Variants in AFF3 observed in about 807,000 individuals in gnomAD.
The protein encoded by AFF3 is AF4/FMR2 family member 3.
AFF3 carries 32 observed loss-of-function variants against 129.7 expected under a neutral mutation model. That is an observed-to-expected ratio of 0.25 (90% confidence interval 0.19 to 0.33). The LOEUF is 0.33. Among genes scored for constraint, AFF3 ranks in the 10% least tolerant of loss-of-function variants. The pLI, the probability that AFF3 is intolerant of heterozygous loss-of-function variation, is 1.00. For missense variants in AFF3, 1,373 were observed against 1,592.0 expected (o/e 0.86, Z 2.34); for synonymous variants, 644 against 635.4 (o/e 1.01, Z -0.20).
chr2:100,045,291 G>C (rs1464370203), intron 4 of AFF3, among the ~76,000 whole-genome samples: 1 of 152,162 alleles, frequency 6.6e-6, no homozygotes, highest in African/African-American at 2.4e-5. Flanking sequence ...GCCAGCAACA[G>C]TCGCATGTTC....
intron 7 of AFF3, among the ~76,000 whole-genome samples, chr2:99,874,970 CA>C (rs1692174697): frequency 6.6e-6 from 1 of 152,076 alleles, no homozygotes; most frequent in Non-Finnish European, 1.5e-5. Context: ...GGAATCTGAA[CA>C]AAGCGTACAT....
intron 7 of AFF3, among the ~76,000 whole-genome samples, chr2:99,885,997 C>T (rs189028376): frequency 3.5e-4 from 54 of 152,304 alleles, no homozygotes; most frequent in African/African-American, 1.3e-3. Context: ...ACAAGGAACA[C>T]GCAGACAGTG....
chr2:99,925,766 T>G (rs1028633205), intron 7 of AFF3, among the ~76,000 whole-genome samples: 1 of 152,124 alleles, frequency 6.6e-6, no homozygotes, highest in Non-Finnish European at 1.5e-5. Context: ...TACAAGAACA[T>G]GATTAAAGAC....
intron 4 of AFF3, among the ~76,000 whole-genome samples, chr2:100,015,869 G>A (rs1269416615): frequency 6.6e-6 from 1 of 152,172 alleles, no homozygotes; most frequent in African/African-American, 2.4e-5. Flanking sequence ...GATAGTGGTG[G>A]TGGTGGTGAT....
At chr2:99,911,031 A>C (rs1205198054) in intron 7 of AFF3, among the ~76,000 whole-genome samples, 1 of 152,238 alleles carries the variant, frequency 6.6e-6, no homozygotes, top group African/African-American at 2.4e-5. Context: ...AATGCTAAGG[A>C]AGGCATAAAA....
chr2:99,862,959 A>G (rs1012027429), intron 7 of AFF3, among the ~76,000 whole-genome samples: 13 of 152,276 alleles, frequency 8.5e-5, no homozygotes, highest in Admixed American at 5.2e-4. Flanking sequence ...CTAATATTAT[A>G]AAGATTTTTT....
intron 8 of AFF3, among the ~76,000 whole-genome samples, chr2:99,774,406 G>A (rs1211202156): frequency 6.6e-6 from 1 of 152,024 alleles, no homozygotes; most frequent in African/African-American, 2.4e-5. Context: ...ACAGACCAAT[G>A]GAACAGAATA....
chr2:100,128,056 A>G (rs1692274201), intron 2 of AFF3, among the ~76,000 whole-genome samples: 1 of 152,188 alleles, frequency 6.6e-6, no homozygotes, highest in Non-Finnish European at 1.5e-5. Context: ...CACCAGCACC[A>G]TGACAGTTTA....
At chr2:99,891,586 T>C (rs1041140709) in intron 7 of AFF3, among the ~76,000 whole-genome samples, 6 of 152,192 alleles carry the variant, frequency 3.9e-5, no homozygotes, top group Admixed American at 3.9e-4. Context: ...GGCGGGCGAC[T>C]GAGCTTTCCA....
intron 3 of AFF3, chr2:100,105,173 G>C (rs1021806819): frequency 3.0e-5 from 12 of 398,148 alleles, no homozygotes; most frequent in African/African-American, 2.6e-4. Flanking sequence ...GCCCCGCCCG[G>C]CCTTGCCCGG....
chr2:99,980,398 A>G (rs1260675378), intron 7 of AFF3, among the ~76,000 whole-genome samples: 3 of 152,232 alleles, frequency 2.0e-5, no homozygotes, highest in Non-Finnish European at 2.9e-5. Flanking sequence ...GCAGTTAGAG[A>G]CAGCACAGCT....
chr2:99,814,592 G>T lies in AFF3; in HGVS notation c.921+22885C>A, dbSNP rs536952011. 5.3e-5 allele frequency among the ~76,000 whole-genome samples: 8 copies of T among 152,262 alleles called. No homozygotes were observed. The East Asian group carries it at 1.5e-3, about 29-fold the overall frequency. On this transcript the variant is annotated intron_variant, in intron 8 of 24. Coordinates refer to ENST00000672756, the MANE Select transcript of AFF3 (RefSeq NM_001386135.1). ...GAAAAAGAACCCTCCAATCTCCAATGCCAGCTCACAGGAATAGCCAAGTAA... is the reference window on the plus strand; with the variant it reads ...GAAAAAGAACCCTCCAATCTCCAATTCCAGCTCACAGGAATAGCCAAGTAA...
intron 7 of AFF3, among the ~76,000 whole-genome samples, chr2:99,986,350 C>A (rs1033461220): frequency 1.3e-5 from 2 of 151,806 alleles, no homozygotes; most frequent in African/African-American, 4.8e-5. Context: ...ATCCATCCTG[C>A]GTTTACACAC....
chr2:99,652,819 G>A (rs13016552), intron 12 of AFF3, among the ~76,000 whole-genome samples: 22,504 of 152,186 alleles, frequency 0.15, 2,077 homozygotes, highest in South Asian at 0.25. Flanking sequence ...CCTAGATTCT[G>A]AATGAAGACC....
intron 7 of AFF3, among the ~76,000 whole-genome samples, chr2:99,919,047 A>C (rs1454606538): frequency 1.3e-5 from 2 of 152,110 alleles, no homozygotes; most frequent in African/African-American, 2.4e-5. Flanking sequence ...TTTATGGTAC[A>C]TCTTAGGTTA....
intron 1 of AFF3, among the ~76,000 whole-genome samples, chr2:100,136,566 A>G (rs1188930659): frequency 6.6e-6 from 1 of 152,130 alleles, no homozygotes; most frequent in Non-Finnish European, 1.5e-5. Context: ...CACATGTGGG[A>G]GTGTGTGTGC....
intron 7 of AFF3, among the ~76,000 whole-genome samples, chr2:99,945,887 A>T (rs1233571563): frequency 6.6e-6 from 1 of 152,230 alleles, no homozygotes; most frequent in Non-Finnish European, 1.5e-5. Context: ...CCTGTGAAGG[A>T]TGTGACAGAG....
intron 2 of AFF3, among the ~76,000 whole-genome samples, chr2:100,126,573 C>A (rs752872558): frequency 6.6e-6 from 1 of 152,168 alleles, no homozygotes; most frequent in African/African-American, 2.4e-5. Flanking sequence ...GAGTTCACGT[C>A]GCTTTCTAAG....
intron 13 of AFF3, among the ~76,000 whole-genome samples, chr2:99,625,827 T>A (rs192816471): frequency 9.8e-5 from 15 of 152,326 alleles, no homozygotes; most frequent in Admixed American, 9.1e-4. Context: ...TTAAAATATT[T>A]CTCTTTAGAG....
Sources: gnomAD v4.1 joint callset for allele counts (sites outside exome capture counted in the v4.1 genomes callset) on GRCh38, gnomAD v4.1.1 for gene constraint, MANE v1.5 for transcripts, NCBI Gene and HGNC (gene_info 2026-07-23, HGNC 2026-07-21) for gene names.